RBFOX1: variants seen among roughly 807,000 people sequenced by gnomAD.
The protein encoded by RBFOX1 is RNA binding protein fox-1 homolog 1.
In RBFOX1, 8 loss-of-function variants were observed where a neutral mutation model predicts 57.7. That is an observed-to-expected ratio of 0.14 (90% CI 0.08 to 0.25). RBFOX1 has a LOEUF of 0.25. RBFOX1 is among the 10% of genes least tolerant of loss of function. The probability of loss-of-function intolerance (pLI) is 1.00; values close to 1 mark genes in which losing one functional copy is unlikely to be tolerated. For missense variants in RBFOX1, 611 were observed against 548.5 expected (o/e 1.11, Z -1.14); for synonymous variants, 326 against 222.4 (o/e 1.47, Z -4.15).
intron 3 of RBFOX1, among the ~76,000 whole-genome samples, chr16:7,044,126 G>C (rs1300242220): frequency 6.6e-6 from 1 of 152,000 alleles, no homozygotes; most frequent in African/African-American, 2.4e-5. Context: ...TGGCACTTAG[G>C]ACAGTGTCTG....
intron 4 of RBFOX1, among the ~76,000 whole-genome samples, chr16:7,430,594 A>T (rs1188088309): frequency 1.3e-5 from 2 of 151,570 alleles, no homozygotes; most frequent in Admixed American, 6.6e-5. Context: ...CCCAGGAGAC[A>T]GAGGTTTCAG....
chr16:6,354,110 C>T lies in RBFOX1; in HGVS notation c.-64+37053C>T, dbSNP rs151219525. Among the ~76,000 whole-genome samples the T allele has an allele frequency of 4.1e-4, 63 of 152,128 alleles. No homozygotes were observed. In the East Asian group the frequency reaches 7.4e-3, roughly 18 times the overall value. On this transcript the variant is annotated intron_variant, in intron 2 of 15. Coordinates refer to ENST00000550418, the MANE Select transcript of RBFOX1 (RefSeq NM_018723.4). ...TGGCATGCGTCTGTAGTCCCAGCTA[C>T]TGGGGAGGCTGAGGTGGGAGGATCG...
intron 3 of RBFOX1, among the ~76,000 whole-genome samples, chr16:6,699,923 C>T (rs1180658592): frequency 1.3e-5 from 2 of 152,164 alleles, no homozygotes; most frequent in African/African-American, 2.4e-5. Context: ...AATTTGTGGA[C>T]AGGTACACAT....
At chr16:6,909,684 C>G (rs1361348308) in intron 3 of RBFOX1, among the ~76,000 whole-genome samples, 2 of 152,168 alleles carry the variant, frequency 1.3e-5, no homozygotes, top group African/African-American at 4.8e-5. Context: ...ATCCTATGTG[C>G]CTAACACGTG....
chr16:7,081,633 A>G (rs1365429139), intron 4 of RBFOX1, among the ~76,000 whole-genome samples: 1 of 152,096 alleles, frequency 6.6e-6, no homozygotes, highest in Non-Finnish European at 1.5e-5. Flanking sequence ...ATCTCACTAC[A>G]CCTGTGTTGT....
chr16:6,731,855 C>G (rs1041115055), intron 3 of RBFOX1, among the ~76,000 whole-genome samples: 7 of 152,160 alleles, frequency 4.6e-5, no homozygotes, highest in Non-Finnish European at 1.0e-4. Flanking sequence ...GGCTCATTGT[C>G]TGCCTCTAGG....
intron 1 of RBFOX1, among the ~76,000 whole-genome samples, chr16:6,114,839 A>C (rs971566926): frequency 1.3e-5 from 2 of 152,210 alleles, no homozygotes; most frequent in African/African-American, 2.4e-5. Flanking sequence ...GCAGTCTTCT[A>C]TTGAATGATA....
intron 2 of RBFOX1, among the ~76,000 whole-genome samples, chr16:5,542,480 A>G (rs1262649755): frequency 6.6e-6 from 1 of 151,608 alleles, no homozygotes; most frequent in Non-Finnish European, 1.5e-5. Context: ...GCTGGTCTCA[A>G]ACTCCTGACC....
chr16:7,198,156 C>G (rs2087277863), intron 4 of RBFOX1, among the ~76,000 whole-genome samples: 1 of 152,010 alleles, frequency 6.6e-6, no homozygotes. Flanking sequence ...CAGGCACCCG[C>G]CACCACAGCT....
intron 4 of RBFOX1, among the ~76,000 whole-genome samples, chr16:7,450,515 C>A (rs1331208914): frequency 1.3e-5 from 2 of 152,012 alleles, no homozygotes; most frequent in Non-Finnish European, 2.9e-5. Flanking sequence ...GATAACGGCC[C>A]CCGACTCCCA....
intron 2 of RBFOX1, among the ~76,000 whole-genome samples, chr16:5,469,187 G>C (rs1158304836): frequency 6.6e-6 from 1 of 152,182 alleles, no homozygotes; most frequent in Non-Finnish European, 1.5e-5. Flanking sequence ...AGGTGCAGCT[G>C]CCTTCAGGCA....
intron 3 of RBFOX1, among the ~76,000 whole-genome samples, chr16:6,939,016 A>C (rs2077858594): frequency 6.6e-6 from 1 of 152,152 alleles, no homozygotes; most frequent in African/African-American, 2.4e-5. Flanking sequence ...CTTTCCTTAG[A>C]GATCTGCCTT....
chr16:6,424,450 G>C (rs1232697890), intron 2 of RBFOX1, among the ~76,000 whole-genome samples: 2 of 152,114 alleles, frequency 1.3e-5, no homozygotes, highest in Non-Finnish European at 2.9e-5. Context: ...ATCTAACCAT[G>C]TATGGAAACA....
intron 14 of RBFOX1, among the ~76,000 whole-genome samples, chr16:7,703,039 C>A (rs2081281892): frequency 6.6e-6 from 1 of 152,196 alleles, no homozygotes. Context: ...TGACCCTATA[C>A]AGGGAAGTGA....
At chr16:6,787,190 G>A (rs2082110695) in intron 3 of RBFOX1, among the ~76,000 whole-genome samples, 1 of 152,164 alleles carries the variant, frequency 6.6e-6, no homozygotes, top group Non-Finnish European at 1.5e-5. Context: ...AAGGTCGTAT[G>A]TGGCACGCTT....
intron 1 of RBFOX1, among the ~76,000 whole-genome samples, chr16:6,245,332 T>A (rs1016515824): frequency 6.6e-6 from 1 of 152,320 alleles, no homozygotes; most frequent in African/African-American, 2.4e-5. Context: ...AAATACGTTT[T>A]CCTTGAGGAT....
At chr16:7,585,449 C>G (rs922612040) in intron 6 of RBFOX1, among the ~76,000 whole-genome samples, 8 of 152,182 alleles carry the variant, frequency 5.3e-5, no homozygotes, top group Admixed American at 1.3e-4. Flanking sequence ...TGACCCCTTT[C>G]CATGTTCTCT....
intron 1 of RBFOX1, among the ~76,000 whole-genome samples, chr16:6,034,732 C>G (rs1435490508): frequency 1.3e-5 from 2 of 152,252 alleles, no homozygotes; most frequent in African/African-American, 2.4e-5. Flanking sequence ...CTAACACTTT[C>G]CATCTGCCAA....
intron 3 of RBFOX1, among the ~76,000 whole-genome samples, chr16:7,007,548 G>A (rs2093371702): frequency 6.6e-6 from 1 of 152,136 alleles, no homozygotes; most frequent in South Asian, 2.1e-4. Context: ...GGGAAGTGGG[G>A]CATAAATTTG....
Sources: allele counts gnomAD v4.1 joint callset (sites outside exome capture counted in the v4.1 genomes callset), GRCh38; gene constraint gnomAD v4.1.1; transcripts MANE v1.5; gene names NCBI Gene and HGNC (gene_info 2026-07-23, HGNC 2026-07-21).